Variants in ZNF394 observed in about 807,000 individuals in gnomAD.
ZNF394 encodes zinc finger protein 394.
ZNF394 carries 19 observed loss-of-function variants against 21.8 expected under a neutral mutation model. The ratio of observed to expected loss-of-function variants is 0.87; its 90% CI spans 0.61 to 1.28. ZNF394 has a LOEUF of 1.28. Among genes scored for constraint, ZNF394 ranks in the 50% most tolerant of loss-of-function variants. ZNF394 has a pLI of 0.00. For missense variants in ZNF394, 683 were observed against 708.6 expected, an observed-to-expected ratio of 0.96 and a Z score of 0.41; for synonymous variants, 294 against 273.3, an observed-to-expected ratio of 1.08 and a Z score of -0.75.
chr7:99,487,467 C>T (rs1446725138), intron 1 of ZNF394: 2 of 1,613,472 alleles, frequency 1.2e-6, no homozygotes, highest in African/African-American at 2.7e-5. Flanking sequence ...AGGGCACTCA[C>T]AAAGGACAGA....
chr7:99,494,457 AG>A lies in ZNF394; in HGVS notation c.757del (p.Leu253Ter). The A allele has an allele frequency of 6.2e-7, 1 of 1,614,108 alleles. No individual in the cohort carries two copies. The highest frequency in any genetic ancestry group is 8.5e-7 in the Non-Finnish European group (1 of 1,180,034). ...TGCTTCAGGAGAATTTTCAAGTTTC[AG>A]GGGCAAGGGGTCTCCGGACTGCTTT... Reference protein sequence around the residue: ...VEKQSGDPLPLKLENSPEAEG... With the variant: ...VEKQSGDPLPXKLENSPEAEG... On this transcript the variant is annotated frameshift_variant, in exon 3 of 3. Transcript: ENST00000337673. LOFTEE classifies it low-confidence loss of function (END_TRUNC).
At chr7:99,490,797 G>C (rs1485182496), downstream of ZNF394, among the ~76,000 whole-genome samples, 4 of 151,992 alleles carry the variant, frequency 2.6e-5, no homozygotes, top group Admixed American at 2.6e-4. Context: ...CAAATCTAGA[G>C]AGACTCAGCC....
Position 99,500,193 on chromosome 7 carries a change from A to C in ZNF394, c.-100T>G, listed in dbSNP as rs548582434. ...AGCCGTCAACACCCTCCGGTCCCAA[A>C]CACCGGGCCCCACCACACCAGGCCC... On this transcript the variant is annotated 5_prime_UTR_variant, in exon 1 of 3. Coordinates refer to ENST00000337673, the MANE Select transcript of ZNF394 (RefSeq NM_032164.4). 1.6e-6 allele frequency: 2 copies of C among 1,233,580 alleles called. No individual in the cohort carries two copies. The highest frequency in any genetic ancestry group is 3.0e-5 in the African/African-American group (2 of 66,144). 76.4% of individuals were successfully genotyped at this position (1,233,580 alleles called of 1,614,324 possible).
chr7:99,488,930 C>CAAA (rs1182283444), downstream of ZNF394, among the ~76,000 whole-genome samples: 4 of 51,360 alleles, frequency 7.8e-5, no homozygotes, highest in Non-Finnish European at 1.2e-4. Flanking sequence ...GACTCCATCT[C>CAAA]AAAAAAAAAA....
At position 99,499,674 on chromosome 7, in the gene ZNF394, C is replaced by T; in HGVS notation, c.420G>A (p.Arg140=). The T allele has an allele frequency of 6.2e-7, 1 of 1,609,152 alleles. No individual in the cohort carries two copies. Among genetic ancestry groups the T allele is most frequent in the Non-Finnish European group, 8.5e-7 (1 of 1,178,890 alleles). ...TTCCATCGAGCGCTCGCTGCAGAGC[C>T]CGCACCACGGCCACCGCCTCCTCCC... is the stretch of plus-strand genomic sequence containing the variant. ...ESGEEAVAVV[R]ALQRALDGTS... is the part of the protein sequence containing the mutation. The change falls in exon 1 of 3, where the codon CGG becomes CGA. Residue 140 remains arginine (R), a synonymous_variant. Transcript: ENST00000337673.
At chr7:99,494,948 T>C (rs1350258810) in intron 2 of ZNF394, among the ~76,000 whole-genome samples, 1 of 152,058 alleles carries the variant, frequency 6.6e-6, no homozygotes, top group Non-Finnish European at 1.5e-5. Flanking sequence ...TTGGCCAGGA[T>C]GGTCTCTATC....
chr7:99,487,404 A>C (rs774180462), intron 1 of ZNF394: 2 of 1,614,240 alleles, frequency 1.2e-6, no homozygotes, highest in Non-Finnish European at 1.7e-6. Flanking sequence ...AACCCTACCA[A>C]TGTGTCATAT....
At chr7:99,498,605 C>A in intron 2 of ZNF394, 111 bp downstream of exon 2, 1 of 1,513,290 alleles carries the variant, frequency 6.6e-7, no homozygotes, top group Non-Finnish European at 8.9e-7. Flanking sequence ...CAGAAGGCAC[C>A]TGAAGGCTCT....
intron 2 of ZNF394, among the ~76,000 whole-genome samples, chr7:99,496,770 C>G (rs1161666455): frequency 6.6e-6 from 1 of 151,562 alleles, no homozygotes; most frequent in Non-Finnish European, 1.5e-5. Context: ...TGGGGTCTCG[C>G]TATGTTGCCC....
At position 99,494,327 on chromosome 7, in the gene ZNF394, A is replaced by T. The variant is rs767507615; in HGVS notation, c.888T>A (p.Val296=). The T allele has an allele frequency of 5.6e-6, 9 of 1,614,218 alleles. No individual in the cohort carries two copies. The highest frequency in any genetic ancestry group is 7.6e-6 in the Non-Finnish European group (9 of 1,180,042). ...LQNSARCSNL[V]LCQHIPKAER... ...CTGCTTTCGGGATGTGCTGACATAGAACAAGGTTGGAACACCTGGCACTGT... is the reference window on the plus strand; with the variant it reads ...CTGCTTTCGGGATGTGCTGACATAGTACAAGGTTGGAACACCTGGCACTGT... The change falls in exon 3 of 3, where the codon GTT becomes GTA. Residue 296 remains valine, a synonymous_variant. Transcript: ENST00000337673.
intron 2 of ZNF394, among the ~76,000 whole-genome samples, chr7:99,497,528 T>C (rs1425962090): frequency 6.6e-6 from 1 of 151,880 alleles, no homozygotes; most frequent in Non-Finnish European, 1.5e-5. Flanking sequence ...GTTTAATTAA[T>C]AAATTAGGGA....
At position 99,499,735 on chromosome 7, in the gene ZNF394, A is replaced by G. The variant is rs1800456398; in HGVS notation, c.359T>C (p.Leu120Pro). Residue 120 changes from leucine (L) to proline (P), a missense_variant, in exon 1 of 3, where the codon CTT becomes CCT. Physicochemically the swap from Leu to Pro is moderately conservative, Grantham distance 98. Around this residue, in one of 3 missense-constraint regions of ZNF394, gnomAD observed 402 missense variants for 373.8 expected, o/e 1.08. Transcript: ENST00000337673. Reference sequence around the variant, plus strand: ...GCAGTGCTCTCGCACCCAGGCTTGAAGCTCCTCGGGCAGGATGGTGAGGAA... The same window carrying G: ...GCAGTGCTCTCGCACCCAGGCTTGAGGCTCCTCGGGCAGGATGGTGAGGAA... ...EQFLTILPEELQAWVREHCPE... is the reference protein window; with the variant it reads ...EQFLTILPEEPQAWVREHCPE... The G allele has an allele frequency of 1.2e-6, 2 of 1,614,022 alleles. No homozygotes were observed. The highest frequency in any genetic ancestry group is 1.3e-5 in the African/African-American group (1 of 75,030).
chr7:99,488,255 C>T (rs1055895512), downstream of ZNF394, among the ~76,000 whole-genome samples: 8 of 151,438 alleles, frequency 5.3e-5, no homozygotes, highest in Middle Eastern at 3.5e-3. Flanking sequence ...GGTTTGAAGA[C>T]AGCCAGTATG....
exon 2 of ZNF394, chr7:99,486,962 A>G: frequency 6.2e-7 from 1 of 1,614,204 alleles, no homozygotes; most frequent in Non-Finnish European, 8.5e-7. Context: ...AAACAGTGTC[A>G]CCTGCAAAAC....
chr7:99,496,179 G>C (rs573013451), intron 2 of ZNF394, among the ~76,000 whole-genome samples: 1 of 150,818 alleles, frequency 6.6e-6, no homozygotes, highest in South Asian at 2.1e-4. Context: ...ATTATAGTAG[G>C]TATTTTAGTA....
chr7:99,493,609 G>C lies in ZNF394; in HGVS notation c.1606C>G (p.Gln536Glu). 1 of 1,614,162 alleles carries C rather than the reference G, an allele frequency of 6.2e-7. No individual in the cohort carries two copies. The highest frequency in any genetic ancestry group is 8.5e-7 in the Non-Finnish European group (1 of 1,180,032). ...KCLECGERFR[Q>E]STHLIRHQRI... is the part of the protein sequence containing the mutation. ...TGGTGTCGGATAAGGTGTGTACTTTGTCTAAATCTTTCCCCACATTCAAGA... is the reference window on the plus strand; with the variant it reads ...TGGTGTCGGATAAGGTGTGTACTTTCTCTAAATCTTTCCCCACATTCAAGA... The change falls in exon 3 of 3, where the codon CAA becomes GAA. Residue 536 changes from glutamine to glutamate, a missense_variant. By Grantham distance (29) the Gln-to-Glu change is conservative. This residue lies in a region of ZNF394 where 274 missense variants were observed against 314.1 expected (regional missense o/e 0.87). Transcript: ENST00000337673.
At chr7:99,492,516 T>C (rs1800185153), downstream of ZNF394, among the ~76,000 whole-genome samples, 1 of 151,258 alleles carries the variant, frequency 6.6e-6, no homozygotes, top group African/African-American at 2.4e-5. Context: ...ATGGTGCACC[T>C]GTAGTCCCAA....
In ZNF394 at chr7:99,494,219, G is replaced by C; in HGVS notation, c.996C>G (p.His332Gln). 6 of 1,614,254 alleles carry C rather than the reference G, an allele frequency of 3.7e-6. No individual in the cohort carries two copies. Among genetic ancestry groups the C allele is most frequent in the African/African-American group, 1.3e-5 (1 of 75,058 alleles). The change falls in exon 3 of 3, where the codon CAC becomes CAG. Residue 332 changes from histidine to glutamine, a missense_variant. His to Gln is a conservative substitution (Grantham distance 24). Around this residue, in one of 3 missense-constraint regions of ZNF394, gnomAD observed 274 missense variants for 314.1 expected, o/e 0.87. Transcript: ENST00000337673. The part of the protein sequence containing the change: ...HMVTWHVLKP[H>Q]KSDSGDSFHH... ...GGAAACTGTCTCCACTGTCAGACTT[G>C]TGAGGTTTCAGCACGTGCCACGTCA...
intron 1 of ZNF394, 97 bp from the exon 2 acceptor site, chr7:99,498,939 C>G (rs891102871): frequency 6.2e-6 from 9 of 1,444,536 alleles, no homozygotes; most frequent in Non-Finnish European, 8.3e-6. Context: ...TTGGAGAGAT[C>G]AGAGATAGAG....
Sources: allele counts gnomAD v4.1 joint callset (sites outside exome capture counted in the v4.1 genomes callset), GRCh38; gene constraint gnomAD v4.1.1; regional missense constraint gnomAD v4.1.1; transcripts MANE v1.5; gene names NCBI Gene and HGNC (gene_info 2026-07-23, HGNC 2026-07-21).